CCDC91: variants seen among roughly 807,000 people sequenced by gnomAD.
The protein encoded by CCDC91 is coiled-coil domain-containing protein 91.
A neutral mutation model predicts 63.2 loss-of-function variants in CCDC91; 48 were observed. The observed-to-expected ratio is 0.76, with a 90% CI of 0.60 to 0.97. CCDC91 has a LOEUF of 0.97. CCDC91 is among the 50% of genes least tolerant of loss of function. The probability of loss-of-function intolerance (pLI) is 0.00; values close to 1 mark genes in which losing one functional copy is unlikely to be tolerated. For synonymous variants in CCDC91, 167 were observed against 165.8 expected (o/e 1.01, Z -0.06); for missense variants, 500 against 494.6 (o/e 1.01, Z -0.10).
chr12:28,295,853 T>C (rs986156615), intron 3 of CCDC91, among the ~76,000 whole-genome samples: 1 of 152,046 alleles, frequency 6.6e-6, no homozygotes, highest in Non-Finnish European at 1.5e-5. Context: ...AGGTGTGATA[T>C]AATTTTTTTC....
At chr12:28,200,956 AC>A (rs1462198582) in intron 1 of CCDC91, among the ~76,000 whole-genome samples, 1 of 117,166 alleles carries the variant, frequency 8.5e-6, no homozygotes, top group East Asian at 2.3e-4. Flanking sequence ...CAGGGGGCTG[AC>A]CCCCCAACCT....
At chr12:28,520,748 A>G (rs1592938306) in intron 12 of CCDC91, among the ~76,000 whole-genome samples, 1 of 152,144 alleles carries the variant, frequency 6.6e-6, no homozygotes, top group South Asian at 2.1e-4. Flanking sequence ...TAATTTTTGT[A>G]TAAGGTGTAA....
At chr12:28,204,042 A>T (rs1356982893) in intron 1 of CCDC91, among the ~76,000 whole-genome samples, 1 of 152,106 alleles carries the variant, frequency 6.6e-6, no homozygotes, top group Non-Finnish European at 1.5e-5. Flanking sequence ...GTGGGTTTTG[A>T]TGCCTTAATT....
In CCDC91 at chr12:28,375,267, A is replaced by T. The variant is rs79372797; in HGVS notation, c.654+12752A>T. ...GCTAATAATTAAGCTCTTAAGAAAT[A>T]TTAGGTATTATCATTATCATTTCTA... On this transcript the variant is annotated intron_variant, in intron 7 of 12. Transcript: ENST00000536442. 1.8e-3 allele frequency among the ~76,000 whole-genome samples: 270 copies of T among 152,156 alleles called. 1 individual carries two copies. Among genetic ancestry groups the T allele is most frequent in the African/African-American group, 6.2e-3 (256 of 41,558 alleles).
At chr12:28,299,672 A>C (rs989719370) in intron 3 of CCDC91, among the ~76,000 whole-genome samples, 4 of 151,640 alleles carry the variant, frequency 2.6e-5, no homozygotes, top group African/African-American at 9.7e-5. Context: ...CCGATCTTCC[A>C]CTATCAGTCC....
At position 28,450,205 on chromosome 12, in the gene CCDC91, A is replaced by G. The variant is rs1949731836; in HGVS notation, c.807A>G (p.Leu269=). The change falls in exon 9 of 13, where the codon TTA becomes TTG. Residue 269 remains leucine, a synonymous_variant. Transcript: ENST00000536442. The part of the protein sequence containing the change: ...LEMLDTEKEL[L]KEKIKEALIQ... ...TGCTAGATACAGAGAAGGAACTGTT[A>G]AAAGAAAAAATAAAGGAAGCTTTGA... The G allele has an allele frequency of 6.2e-7, 1 of 1,610,390 alleles. No homozygotes were observed. Among genetic ancestry groups the G allele is most frequent in the African/African-American group, 1.3e-5 (1 of 74,678 alleles).
chr12:28,350,727 C>G (rs1040860774), intron 6 of CCDC91, among the ~76,000 whole-genome samples: 2 of 152,184 alleles, frequency 1.3e-5, no homozygotes, highest in African/African-American at 4.8e-5. Context: ...GAAACTCTTT[C>G]CTGTTCTCCT....
At chr12:28,520,508 C>T (rs978041627) in intron 12 of CCDC91, among the ~76,000 whole-genome samples, 11 of 151,960 alleles carry the variant, frequency 7.2e-5, no homozygotes, top group African/African-American at 2.7e-4. Flanking sequence ...AAATTTTCTC[C>T]CATTCTGTAG....
intron 8 of CCDC91, among the ~76,000 whole-genome samples, chr12:28,415,038 T>C (rs1488095288): frequency 6.6e-6 from 1 of 152,222 alleles, no homozygotes; most frequent in Non-Finnish European, 1.5e-5. Flanking sequence ...TATGCGGAGA[T>C]ACCTCTAGGG....
At chr12:28,331,972 G>C (rs1941554463) in intron 6 of CCDC91, among the ~76,000 whole-genome samples, 1 of 151,896 alleles carries the variant, frequency 6.6e-6, no homozygotes, top group Non-Finnish European at 1.5e-5. Context: ...TGTAGATGGG[G>C]GCTACAATCT....
chr12:28,439,510 A>G (rs1565974689), intron 8 of CCDC91, among the ~76,000 whole-genome samples: 2 of 152,128 alleles, frequency 1.3e-5, no homozygotes, highest in Non-Finnish European at 2.9e-5. Flanking sequence ...TTTCTGTTAC[A>G]GAATATATAC....
chr12:28,412,564 G>A (rs1427969828), intron 8 of CCDC91, among the ~76,000 whole-genome samples: 3 of 152,122 alleles, frequency 2.0e-5, no homozygotes, highest in South Asian at 2.1e-4. Context: ...GGACCTTCAC[G>A]GTGAGTGTTA....
intron 8 of CCDC91, among the ~76,000 whole-genome samples, chr12:28,404,304 G>C (rs1255974210): frequency 6.6e-6 from 1 of 151,994 alleles, no homozygotes; most frequent in Non-Finnish European, 1.5e-5. Flanking sequence ...GGATTTTCTA[G>C]CTATTCTCCT....
intron 6 of CCDC91, among the ~76,000 whole-genome samples, chr12:28,340,066 AT>A (rs1942303447): frequency 6.6e-6 from 1 of 152,220 alleles, no homozygotes; most frequent in African/African-American, 2.4e-5. Context: ...ACTCTCAGTC[AT>A]TATTGTGGAT....
At chr12:28,259,237 T>C (rs2136194360) in intron 2 of CCDC91, 127 bp from the exon 3 acceptor site, 1 of 682,030 alleles carries the variant, frequency 1.5e-6, no homozygotes, top group Non-Finnish European at 2.6e-6. Context: ...AAAGCAGTTA[T>C]TTAGAGGGAA....
intron 6 of CCDC91, among the ~76,000 whole-genome samples, chr12:28,359,096 A>G (rs1273492203): frequency 2.0e-5 from 3 of 152,106 alleles, no homozygotes; most frequent in African/African-American, 7.2e-5. Flanking sequence ...GGGTTTCACT[A>G]TGTTGGCTAG....
chr12:28,204,711 G>A (rs1337461969), intron 1 of CCDC91, among the ~76,000 whole-genome samples: 1 of 152,136 alleles, frequency 6.6e-6, no homozygotes, highest in Non-Finnish European at 1.5e-5. Context: ...TACCAGACAG[G>A]TGTCTCATGT....
chr12:28,430,987 G>T lies in CCDC91; in HGVS notation c.763-19174G>T, dbSNP rs542898275. On this transcript the variant is annotated intron_variant, in intron 8 of 12. Coordinates refer to ENST00000536442, the MANE Select transcript of CCDC91 (RefSeq NM_018318.5). ...GCCATTGACTTAGGCTTGTAAGTGT[G>T]TCTACTTCAGCACAAAATTTTATGT... 1.9e-3 allele frequency among the ~76,000 whole-genome samples: 294 copies of T among 152,146 alleles called. 2 individuals are homozygous for T. Among genetic ancestry groups the T allele is most frequent in the African/African-American group, 6.8e-3 (284 of 41,530 alleles).
chr12:28,257,305 T>C, intron 2 of CCDC91, 60 bp downstream of exon 2: 1 of 1,099,096 alleles, frequency 9.1e-7, no homozygotes, highest in South Asian at 1.3e-5. Context: ...TGGAGTAAAC[T>C]ATTTTGAAAA....
Sources: allele counts gnomAD v4.1 joint callset (sites outside exome capture counted in the v4.1 genomes callset), GRCh38; gene constraint gnomAD v4.1.1; transcripts MANE v1.5; gene names NCBI Gene and HGNC (gene_info 2026-07-23, HGNC 2026-07-21).